NAALADL2: variants seen among roughly 807,000 people sequenced by gnomAD.
The protein encoded by NAALADL2 is inactive N-acetylated-alpha-linked acidic dipeptidase-like protein 2.
In NAALADL2, 76 loss-of-function variants were observed where a neutral mutation model predicts 87.2. That is an observed-to-expected ratio of 0.87 (90% CI 0.72 to 1.05). The LOEUF (loss-of-function observed/expected upper bound fraction) is 1.05, where lower values mean the gene tolerates loss of function less well. Among genes scored for constraint, NAALADL2 ranks in the 50% least tolerant of loss-of-function variants. NAALADL2 has a pLI of 0.00. For missense variants in NAALADL2, 1,089 were observed against 945.8 expected (o/e 1.15, Z -1.99); for synonymous variants, 354 against 331.0 (o/e 1.07, Z -0.75).
At chr3:174,558,822 G>A (rs1375779311) in intron 2 of NAALADL2, among the ~76,000 whole-genome samples, 1 of 152,088 alleles carries the variant, frequency 6.6e-6, no homozygotes, top group Non-Finnish European at 1.5e-5. Context: ...CAAACATTTT[G>A]CCAACATGTA....
intron 6 of NAALADL2, among the ~76,000 whole-genome samples, chr3:175,462,250 A>G (rs1723254802): frequency 6.6e-6 from 1 of 152,136 alleles, no homozygotes; most frequent in Admixed American, 6.6e-5. Flanking sequence ...TCTAAGAAAC[A>G]AAGTCTATTA....
chr3:175,207,342 T>TA (rs112588416), intron 2 of NAALADL2, among the ~76,000 whole-genome samples: 29 of 150,804 alleles, frequency 1.9e-4, no homozygotes, highest in Non-Finnish European at 3.4e-4. Context: ...TTAAGATAAT[T>TA]AAAAAAAAAG....
At chr3:174,659,302 G>A (rs753538256) in intron 2 of NAALADL2, among the ~76,000 whole-genome samples, 1 of 152,074 alleles carries the variant, frequency 6.6e-6, no homozygotes, top group Non-Finnish European at 1.5e-5. Flanking sequence ...TAACTTAGAA[G>A]CAAAGAGAAA....
At chr3:174,599,886 G>A (rs1031929604) in intron 2 of NAALADL2, among the ~76,000 whole-genome samples, 1 of 151,940 alleles carries the variant, frequency 6.6e-6, no homozygotes, top group Non-Finnish European at 1.5e-5. Flanking sequence ...TATTCTATCT[G>A]GCATCACTGG....
At chr3:174,902,327 G>C (rs569826131) in intron 1 of NAALADL2, among the ~76,000 whole-genome samples, 1 of 152,138 alleles carries the variant, frequency 6.6e-6, no homozygotes, top group Admixed American at 6.5e-5. Context: ...TTGTGTTATA[G>C]AACAGGTTAG....
Position 175,466,999 on chromosome 3 carries a change from A to G in NAALADL2, c.1348A>G (p.Ser450Gly). The change falls in exon 8 of 14, where the codon AGC becomes GGC. Residue 450 changes from serine to glycine, a missense_variant. Transcript: ENST00000454872. The part of the protein sequence containing the change: ...TSPDRYIIVG[S>G]HHHTAHSYNG... ...TTCAGACCGGTATATCATAGTTGGC[A>G]GCCATCATCACACTGCACACAGTTA... The G allele has an allele frequency of 1.2e-6, 2 of 1,613,416 alleles. No homozygotes were observed. Among genetic ancestry groups the G allele is most frequent in the Non-Finnish European group, 1.7e-6 (2 of 1,179,396 alleles).
chr3:175,546,874 T>G (rs1248977104), intron 9 of NAALADL2, among the ~76,000 whole-genome samples: 1 of 152,006 alleles, frequency 6.6e-6, no homozygotes, highest in African/African-American at 2.4e-5. Flanking sequence ...AGGTGCAGTA[T>G]ATCTACAAGG....
At chr3:175,325,786 A>G (rs1760633482) in intron 5 of NAALADL2, among the ~76,000 whole-genome samples, 1 of 152,224 alleles carries the variant, frequency 6.6e-6, no homozygotes, top group Non-Finnish European at 1.5e-5. Context: ...TTTGTTCTAA[A>G]ATAATCTAAA....
intron 9 of NAALADL2, among the ~76,000 whole-genome samples, chr3:175,518,496 G>A (rs1268217557): frequency 6.6e-6 from 1 of 152,178 alleles, no homozygotes; most frequent in Non-Finnish European, 1.5e-5. Context: ...CAGAATATAT[G>A]AAACTGGTTA....
intron 4 of NAALADL2, chr3:175,256,786 C>G: frequency 4.2e-6 from 1 of 240,602 alleles, no homozygotes; most frequent in Non-Finnish European, 7.9e-6. Flanking sequence ...AGTCAGGTAA[C>G]ACTGAGTTTG....
intron 1 of NAALADL2, among the ~76,000 whole-genome samples, chr3:174,930,354 T>C (rs2108410850): frequency 6.6e-6 from 1 of 152,146 alleles, no homozygotes; most frequent in Admixed American, 6.6e-5. Flanking sequence ...GCGCTACATG[T>C]ATGGACTTTA....
chr3:175,704,806 T>C (rs745677667), intron 11 of NAALADL2, among the ~76,000 whole-genome samples: 25 of 152,214 alleles, frequency 1.6e-4, no homozygotes, highest in Non-Finnish European at 3.1e-4. Context: ...TATCAAGGTA[T>C]CAAAGCTGAG....
chr3:175,027,186 C>T (rs1361129380), intron 1 of NAALADL2, among the ~76,000 whole-genome samples: 1 of 152,082 alleles, frequency 6.6e-6, no homozygotes, highest in Non-Finnish European at 1.5e-5. Context: ...TTCATTTGTT[C>T]ATTTAATGTA....
intron 5 of NAALADL2, among the ~76,000 whole-genome samples, chr3:175,436,264 G>A (rs1471633033): frequency 2.8e-5 from 4 of 145,188 alleles, no homozygotes; most frequent in Non-Finnish European, 6.0e-5. Context: ...TGGACATTTG[G>A]GTTGGTTCCA....
At chr3:175,075,691 T>C (rs1241667363) in intron 1 of NAALADL2, among the ~76,000 whole-genome samples, 1 of 152,092 alleles carries the variant, frequency 6.6e-6, no homozygotes, top group Non-Finnish European at 1.5e-5. Flanking sequence ...CTTTAAATGG[T>C]TCAATAACTT....
chr3:174,925,996 G>C (rs1028691611), intron 1 of NAALADL2, among the ~76,000 whole-genome samples: 1 of 152,160 alleles, frequency 6.6e-6, no homozygotes, highest in African/African-American at 2.4e-5. Flanking sequence ...AATAACCAGT[G>C]TAGAGAAGTC....
intron 9 of NAALADL2, among the ~76,000 whole-genome samples, chr3:175,540,926 G>A (rs144029538): frequency 3.1e-4 from 47 of 152,266 alleles, no homozygotes; most frequent in African/African-American, 1.1e-3. Flanking sequence ...CAATGCAGTA[G>A]GTCAGGAATT....
intron 4 of NAALADL2, among the ~76,000 whole-genome samples, chr3:175,293,644 T>G (rs1377683749): frequency 6.6e-6 from 1 of 152,088 alleles, no homozygotes; most frequent in African/African-American, 2.4e-5. Flanking sequence ...ACGGGATCAA[T>G]GCCCTTATTA....
intron 4 of NAALADL2, among the ~76,000 whole-genome samples, chr3:175,316,442 C>T (rs1759149815): frequency 6.6e-6 from 1 of 152,254 alleles, no homozygotes; most frequent in East Asian, 1.9e-4. Context: ...AAGGACCTCC[C>T]AGCCTATCAC....
Sources: gnomAD v4.1 joint callset for allele counts (sites outside exome capture counted in the v4.1 genomes callset) on GRCh38, gnomAD v4.1.1 for gene constraint, MANE v1.5 for transcripts, NCBI Gene and HGNC (gene_info 2026-07-23, HGNC 2026-07-21) for gene names.